The following SLC9C1 variants were observed in gnomAD, a reference collection of about 807,000 sequenced individuals.
SLC9C1 encodes solute carrier family 9 member C1, also known as sodium/hydrogen exchanger 10.
Under a neutral mutation model 140.9 loss-of-function variants are expected in SLC9C1, and 97 were observed. That is an observed-to-expected ratio of 0.69 (90% CI 0.58 to 0.82). SLC9C1 has a LOEUF of 0.82. SLC9C1 is among the 40% of genes least tolerant of loss of function. The pLI, the probability that SLC9C1 is intolerant of heterozygous loss-of-function variation, is 0.00. For synonymous variants in SLC9C1, 440 were observed against 442.6 expected (o/e 0.99, Z 0.07); for missense variants, 1,340 against 1,389.3 (o/e 0.96, Z 0.56).
intron 23 of SLC9C1, 134 bp downstream of exon 23, chr3:112,179,397 G>C: frequency 1.0e-6 from 1 of 1,000,292 alleles, no homozygotes; most frequent in South Asian, 2.0e-5. Flanking sequence ...GGCAAGTTTT[G>C]TTCCTTTATA....
At chr3:112,146,034 A>G (rs1036849980) in intron 28 of SLC9C1, among the ~76,000 whole-genome samples, 1 of 152,110 alleles carries the variant, frequency 6.6e-6, no homozygotes, top group African/African-American at 2.4e-5. Context: ...GCCCAGTCTC[A>G]AGTATGTCTT....
chr3:112,182,082 ATTAT>A (rs778878323), intron 21 of SLC9C1, 47 bp downstream of exon 21: 23 of 1,234,382 alleles, frequency 1.9e-5, no homozygotes, highest in Admixed American at 1.1e-4. Context: ...TATTTTAAAG[ATTAT>A]TTGTTAGTAC....
At chr3:112,179,378 G>A (rs2077396982) in intron 23 of SLC9C1, among the ~76,000 whole-genome samples, 153 bp downstream of exon 23, 3 of 151,902 alleles carry the variant, frequency 2.0e-5, no homozygotes, top group Non-Finnish European at 2.9e-5. Flanking sequence ...TACTAGATGA[G>A]TGTAATTCGG....
chr3:112,181,833 C>T (rs1001120989), intron 21 of SLC9C1, among the ~76,000 whole-genome samples: 1 of 150,742 alleles, frequency 6.6e-6, no homozygotes, highest in African/African-American at 2.4e-5. Context: ...AAGTAAATAG[C>T]ACCCACAGAT....
intron 6 of SLC9C1, among the ~76,000 whole-genome samples, chr3:112,273,131 T>C (rs2080120793): frequency 1.3e-5 from 2 of 152,264 alleles, no homozygotes; most frequent in East Asian, 3.9e-4. Flanking sequence ...TTCAGGTTTT[T>C]TAGTTCCCCC....
intron 12 of SLC9C1, among the ~76,000 whole-genome samples, chr3:112,238,654 T>C (rs923360797): frequency 3.3e-5 from 5 of 152,226 alleles, no homozygotes; most frequent in African/African-American, 9.6e-5. Flanking sequence ...GTCCTTTGTG[T>C]TTGTTGTTTT....
chr3:112,168,551 G>A (rs190117463), intron 25 of SLC9C1, among the ~76,000 whole-genome samples: 4 of 152,296 alleles, frequency 2.6e-5, no homozygotes, highest in Non-Finnish European at 4.4e-5. Context: ...TCTGCAACAT[G>A]TGAGTAAAAT....
chr3:112,189,779 G>A (rs2077614484), intron 20 of SLC9C1, among the ~76,000 whole-genome samples: 2 of 152,154 alleles, frequency 1.3e-5, no homozygotes, highest in South Asian at 4.2e-4. Flanking sequence ...GAAAGTTATT[G>A]GTAGCTTGAT....
chr3:112,189,442 A>G (rs1216807142), intron 20 of SLC9C1, among the ~76,000 whole-genome samples: 1 of 152,202 alleles, frequency 6.6e-6, no homozygotes, highest in African/African-American at 2.4e-5. Context: ...TCAGCTTTCT[A>G]CATATGGCCA....
At chr3:112,161,448 T>C (rs1476378760) in intron 26 of SLC9C1, among the ~76,000 whole-genome samples, 2 of 152,358 alleles carry the variant, frequency 1.3e-5, no homozygotes, top group Middle Eastern at 3.4e-3. Flanking sequence ...GATTTTTGTA[T>C]AAGGTGTAAG....
At chr3:112,282,160 A>G (rs1049506959) in intron 2 of SLC9C1, among the ~76,000 whole-genome samples, 30 of 152,356 alleles carry the variant, frequency 2.0e-4, no homozygotes, top group Middle Eastern at 3.4e-3. Context: ...AGAGCTTTCA[A>G]TGGCCATTTT....
At chr3:112,196,426 C>G (rs149060657) in intron 20 of SLC9C1, among the ~76,000 whole-genome samples, 177 of 152,122 alleles carry the variant, frequency 1.2e-3, no homozygotes, top group Middle Eastern at 0.01. Context: ...ACATTCATGT[C>G]TTTCATTAAA....
intron 10 of SLC9C1, among the ~76,000 whole-genome samples, chr3:112,249,437 C>T (rs897508084): frequency 6.6e-6 from 1 of 151,990 alleles, no homozygotes; most frequent in Non-Finnish European, 1.5e-5. Context: ...TCTGCTAGCT[C>T]TGCCAGGTTT....
intron 23 of SLC9C1, among the ~76,000 whole-genome samples, chr3:112,176,559 T>C (rs1303234749): frequency 6.6e-6 from 1 of 152,252 alleles, no homozygotes; most frequent in African/African-American, 2.4e-5. Context: ...TCACCTTTTA[T>C]ACTATAGATC....
intron 12 of SLC9C1, 89 bp from the exon 13 acceptor site, chr3:112,231,575 G>T (rs1164377608): frequency 2.3e-6 from 3 of 1,320,364 alleles, no homozygotes; most frequent in Admixed American, 2.4e-5. Flanking sequence ...GTACCAGTTT[G>T]CATTGAAAAA....
intron 10 of SLC9C1, among the ~76,000 whole-genome samples, chr3:112,247,839 A>G (rs1383127414): frequency 6.6e-6 from 1 of 151,822 alleles, no homozygotes; most frequent in Non-Finnish European, 1.5e-5. Flanking sequence ...ACTCTGGAAG[A>G]GAAAATGTAA....
At chr3:112,203,257 C>T (rs9865214) in intron 17 of SLC9C1, among the ~76,000 whole-genome samples, 1,526 of 152,092 alleles carry the variant, frequency 0.01, 25 homozygotes, top group African/African-American at 0.034. Context: ...AATATATCAA[C>T]AAACTTTTCT....
intron 7 of SLC9C1, among the ~76,000 whole-genome samples, chr3:112,268,664 TATATG>T (rs1263425076): frequency 6.6e-6 from 1 of 152,246 alleles, no homozygotes; most frequent in African/African-American, 2.4e-5. Context: ...TTGAATTTTC[TATATG>T]ATATAAAATG....
chr3:112,273,555 T>C (rs1425121077), intron 6 of SLC9C1, among the ~76,000 whole-genome samples: 1 of 151,980 alleles, frequency 6.6e-6, no homozygotes, highest in Non-Finnish European at 1.5e-5. Context: ...ATCAGCTCCT[T>C]TGAGGGAGGG....
Sources: allele counts gnomAD v4.1 joint callset (sites outside exome capture counted in the v4.1 genomes callset), GRCh38; gene constraint gnomAD v4.1.1; transcripts MANE v1.5; gene names NCBI Gene and HGNC (gene_info 2026-07-23, HGNC 2026-07-21).